Variants in KRT25 observed in about 807,000 individuals in gnomAD.
KRT25 encodes the protein keratin, type I cytoskeletal 25.
Under a neutral mutation model 47.6 loss-of-function variants are expected in KRT25, and 37 were observed. That is an observed-to-expected ratio of 0.78 (90% CI 0.60 to 1.02). The LOEUF (loss-of-function observed/expected upper bound fraction) is 1.02, where lower values mean the gene tolerates loss of function less well. KRT25 is among the 50% of genes least tolerant of loss of function. The pLI is 0.00. For synonymous variants in KRT25, 203 were observed against 210.2 expected (o/e 0.97, Z 0.30); for missense variants, 542 against 550.3 (o/e 0.98, Z 0.15).
intron 6 of KRT25, 60 bp downstream of exon 6, chr17:40,750,320 G>C: frequency 6.5e-7 from 1 of 1,543,168 alleles, no homozygotes; most frequent in Non-Finnish European, 8.9e-7. Flanking sequence ...TGGAAAGTGG[G>C]ATCTAAGTTG....
chr17:40,754,046 G>A (rs753048825), intron 2 of KRT25, 30 bp from the exon 3 acceptor site: 10 of 1,609,336 alleles, frequency 6.2e-6, no homozygotes, highest in South Asian at 5.5e-5. Flanking sequence ...TTCCTAATTT[G>A]TCACATGGTT....
chr17:40,748,471 A>T, intron 7 of KRT25, 85 bp from the exon 8 acceptor site: 2 of 854,188 alleles, frequency 2.3e-6, no homozygotes, highest in Non-Finnish European at 3.6e-6. Context: ...TAGGATTTGC[A>T]TACAGAATGA....
intron 2 of KRT25, 131 bp downstream of exon 2, chr17:40,754,255 A>T (rs1333921233): frequency 6.0e-6 from 5 of 832,436 alleles, no homozygotes; most frequent in African/African-American, 1.7e-5. Flanking sequence ...TAGTCAAAGC[A>T]TAAAAAAGTA....
intron 1 of KRT25, 108 bp from the exon 2 acceptor site, chr17:40,754,576 G>A (rs2038086811): frequency 9.8e-7 from 1 of 1,021,088 alleles, no homozygotes; most frequent in Non-Finnish European, 1.5e-6. Flanking sequence ...CAAGTAGGAG[G>A]GCATGGTGGC....
chr17:40,753,789 A>G (rs577188477), intron 3 of KRT25, 71 bp downstream of exon 3: 22 of 1,206,380 alleles, frequency 1.8e-5, no homozygotes, highest in Non-Finnish European at 2.5e-5. Context: ...ATGAGAGGTT[A>G]TGTACATTAT....
rs2038036421 is a variant in KRT25, at chr17:40,750,533, A to C, written c.1022T>G (p.Ile341Ser). 1 of 1,614,094 alleles carries C rather than the reference A, an allele frequency of 6.2e-7. No individual in the cohort carries two copies. The highest frequency in any genetic ancestry group is 1.3e-5 in the African/African-American group (1 of 74,932). The change falls in exon 6 of 8, where the codon ATC becomes AGC. Residue 341 changes from isoleucine (I) to serine (S), a missense_variant. By Grantham distance (142) the Ile-to-Ser change is moderately radical. Transcript: ENST00000312150. The stretch of plus-strand genomic sequence containing the variant: ...CTCCAGGGCCCCGATCTGAGCCTGG[A>C]TCTGCGCCAGCTGCGCACAGTAGTT... ...ESNYCAQLAQIQAQIGALEEQ... is the reference protein window; with the variant it reads ...ESNYCAQLAQSQAQIGALEEQ...
rs1400346733 is a variant in KRT25 at position 40,752,113 on chromosome 17, A to G, written c.670-787T>C. Reference sequence around the variant, plus strand: ...TTTGCTTATCTGAAAATTGAGGATAATTAAAAACCCTTCTCTGAGTTGTTA... The same window carrying G: ...TTTGCTTATCTGAAAATTGAGGATAGTTAAAAACCCTTCTCTGAGTTGTTA... On this transcript the variant is annotated intron_variant, in intron 3 of 7. Transcript: ENST00000312150. 5.9e-5 allele frequency among the ~76,000 whole-genome samples: 9 copies of G among 152,152 alleles called. No homozygotes were observed. In the East Asian group the frequency reaches 1.5e-3, roughly 26 times the overall value.
Position 40,748,251 on chromosome 17 carries a change from G to A in KRT25, c.*26C>T, listed in dbSNP as rs368893129. 11 of 1,454,922 alleles carry A rather than the reference G, an allele frequency of 7.6e-6. No individual in the cohort carries two copies. The highest frequency in any genetic ancestry group is 1.2e-5 in the South Asian group (1 of 86,092). 90.1% of individuals were successfully genotyped at this position (1,454,922 alleles called of 1,614,324 possible). ...GCCTTTTCTTCGCAGGGGCTATGTG[G>A]CATACGTTCTCTGTTGCATCTCAAA... On this transcript the variant is annotated 3_prime_UTR_variant, in exon 8 of 8. Coordinates refer to ENST00000312150, the MANE Select transcript of KRT25 (RefSeq NM_181534.4).
chr17:40,753,990 T>C lies in KRT25; in HGVS notation c.539A>G (p.Gln180Arg). 2 of 1,614,100 alleles carry C rather than the reference T, an allele frequency of 1.2e-6. No homozygotes were observed. ...LKYENELALH[Q>R]SVEADVNGLR... Reference sequence around the variant, plus strand: ...CCCATTGACATCAGCCTCTACACTCTGGTGAAGAGCCAGCTCATTTTCATA... The same window carrying C: ...CCCATTGACATCAGCCTCTACACTCCGGTGAAGAGCCAGCTCATTTTCATA... Residue 180 changes from glutamine to arginine, a missense_variant, in exon 3 of 8, where the codon CAG becomes CGG. Gln to Arg is a conservative substitution (Grantham distance 43). Coordinates refer to ENST00000312150, the MANE Select transcript of KRT25 (RefSeq NM_181534.4).
chr17:40,750,496 G>A lies in KRT25; in HGVS notation c.1059C>T (p.His353=). ...GGCCCTCGGTCTCGGTTCTGACCTG[G>A]TGCAGCTGCTCCTCCAGGGCCCCGA... is the stretch of plus-strand genomic sequence containing the variant. ...AQIGALEEQL[H]QVRTETEGQK... is the part of the protein sequence containing the mutation. Residue 353 remains histidine, a synonymous_variant, in exon 6 of 8, where the codon CAC becomes CAT. Coordinates refer to ENST00000312150, the MANE Select transcript of KRT25 (RefSeq NM_181534.4). The A allele has an allele frequency of 6.2e-7, 1 of 1,614,108 alleles. No homozygotes were observed. Among genetic ancestry groups the A allele is most frequent in the Non-Finnish European group, 8.5e-7 (1 of 1,179,992 alleles).
At position 40,754,322 on chromosome 17, in the gene KRT25, T is replaced by C; in HGVS notation, c.512+64A>G. Reference sequence around the variant, plus strand: ...TTTATAATTTTGGAATAAGAGTTGCTAAATTTGATGTAATGCGTTGCATGA... The same window carrying C: ...TTTATAATTTTGGAATAAGAGTTGCCAAATTTGATGTAATGCGTTGCATGA... On this transcript the variant is annotated intron_variant, in intron 2 of 7. Transcript: ENST00000312150. The C allele has an allele frequency of 6.0e-6, 8 of 1,336,492 alleles. No individual in the cohort carries two copies. In the South Asian group the frequency reaches 9.7e-5, roughly 16 times the overall value. 82.8% of individuals were successfully genotyped at this position (1,336,492 alleles called of 1,614,324 possible). A position where few individuals can be genotyped will look rare whatever the true frequency, so the allele number is the denominator to read the frequency against.
rs148754671 is a variant in KRT25, at chr17:40,754,428, T to G, written c.470A>C (p.Gln157Pro). 7.0e-5 allele frequency: 113 copies of G among 1,613,982 alleles called. No individual in the cohort carries two copies. Among genetic ancestry groups the G allele is most frequent in the Non-Finnish European group, 8.7e-5 (103 of 1,179,964 alleles). The change falls in exon 2 of 8, where the codon CAG becomes CCG. Residue 157 changes from glutamine to proline, a missense_variant. By Grantham distance (76) the Gln-to-Pro change is moderately conservative. Coordinates refer to ENST00000312150, the MANE Select transcript of KRT25 (RefSeq NM_181534.4). ...AGCTGTAAGCCTGGCATTATCGATC[T>G]GCAGAACAGCATTAGCATTGCTGGT... ...STTSNANAVL[Q>P]IDNARLTADD...
In KRT25 at chr17:40,748,313, C is replaced by T. The variant is rs764991038; in HGVS notation, c.1317G>A (p.Arg439=). 6 of 1,612,314 alleles carry T rather than the reference C, an allele frequency of 3.7e-6. No individual in the cohort carries two copies. The highest frequency in any genetic ancestry group is 2.2e-5 in the East Asian group (1 of 44,786). ...VDQRSKILTT[R]LHSLEEKSQS... is the part of the protein sequence containing the mutation. ...GAGATTTCTCTTCCAGGGAGTGGAG[C>T]CTGGTGGTAAGTATTTTGCTGCGTT... Residue 439 remains arginine (R), a synonymous_variant, in exon 8 of 8, where the codon AGG becomes AGA. Coordinates refer to ENST00000312150, the MANE Select transcript of KRT25 (RefSeq NM_181534.4).
rs552923664 is a variant in KRT25, at chr17:40,749,846, T to C, written c.1176-521A>G. On this transcript the variant is annotated intron_variant, in intron 6 of 7. Coordinates refer to ENST00000312150, the MANE Select transcript of KRT25 (RefSeq NM_181534.4). ...TTTGTTCTGCTTCAGCATTAAGAAG[T>C]GATTTTTTTTTCTGTATGATTCCTT... Among the ~76,000 whole-genome samples the C allele has an allele frequency of 2.0e-5, 3 of 149,166 alleles. No individual in the cohort carries two copies. The South Asian group carries it at 6.9e-4, about 34-fold the overall frequency.
upstream of KRT25, chr17:40,755,368 TCCCAAGTGTG>T: frequency 9.0e-7 from 1 of 1,112,224 alleles, no homozygotes; most frequent in Non-Finnish European, 1.3e-6. Flanking sequence ...TATAGGCAAG[TCCCAAGTGTG>T]TTCTGAATGA....
upstream of KRT25, chr17:40,755,441 T>A: frequency 1.6e-6 from 1 of 617,192 alleles, no homozygotes; most frequent in Non-Finnish European, 2.7e-6. Context: ...CAAGTTGGCA[T>A]AATTGGGTGA....
chr17:40,753,117 G>A (rs945627214), intron 3 of KRT25, among the ~76,000 whole-genome samples: 1 of 152,186 alleles, frequency 6.6e-6, no homozygotes, highest in Non-Finnish European at 1.5e-5. Context: ...CTTAATGTGT[G>A]TATGAAGTAA....
intron 6 of KRT25, 112 bp from the exon 7 acceptor site, chr17:40,749,437 G>T: frequency 1.3e-6 from 1 of 797,958 alleles, no homozygotes; most frequent in South Asian, 1.5e-5. Flanking sequence ...CCCAGTATTT[G>T]ATTTATAGTG....
rs763410806 is a variant in KRT25 at position 40,751,235 on chromosome 17, T to C, written c.761A>G (p.Asn254Ser). The C allele has an allele frequency of 5.6e-6, 9 of 1,614,038 alleles. No homozygotes were observed. The highest frequency in any genetic ancestry group is 7.6e-6 in the Non-Finnish European group (9 of 1,179,964). The change falls in exon 4 of 8, where the codon AAC becomes AGC. Residue 254 changes from asparagine (N) to serine (S), a missense_variant. Coordinates refer to ENST00000312150, the MANE Select transcript of KRT25 (RefSeq NM_181534.4). ...AAGGGCTTCGTACTCAGCTCGCATG[T>C]TGTTCAGCAGAACTGTGAGGTCCAC... ...PGVDLTVLLN[N>S]MRAEYEALAE...
Sources: allele counts gnomAD v4.1 joint callset (sites outside exome capture counted in the v4.1 genomes callset), GRCh38; gene constraint gnomAD v4.1.1; transcripts MANE v1.5; gene names NCBI Gene and HGNC (gene_info 2026-07-23, HGNC 2026-07-21).